ANAPC4: variants seen among roughly 807,000 people sequenced by gnomAD.
The protein encoded by ANAPC4 is anaphase promoting complex subunit 4.
In ANAPC4, 63 loss-of-function variants were observed where a neutral mutation model predicts 119.8. That is an observed-to-expected ratio of 0.53 (90% CI 0.43 to 0.65). The LOEUF is 0.65. Among genes scored for constraint, ANAPC4 ranks in the 30% least tolerant of loss-of-function variants. ANAPC4 has a pLI of 0.00. For synonymous variants in ANAPC4, 283 were observed against 318.6 expected (o/e 0.89, Z 1.19); for missense variants, 716 against 945.1 (o/e 0.76, Z 3.18).
rs148401383 is a variant in ANAPC4 at position 25,379,676 on chromosome 4, T to C, written c.130-698T>C. 4.6e-5 allele frequency among the ~76,000 whole-genome samples: 7 copies of C among 152,222 alleles called. No individual in the cohort carries two copies. In the East Asian group the frequency reaches 1.4e-3, roughly 29 times the overall value. On this transcript the variant is annotated intron_variant, in intron 2 of 28. Coordinates refer to ENST00000315368, the MANE Select transcript of ANAPC4 (RefSeq NM_013367.3). ...GAGGAAGGGTTTCAGAAGTAAGGTA[T>C]GGCAGGAGTGGTTTCAGAAAAGAGA...
At chr4:25,390,294 T>G in intron 8 of ANAPC4, 74 bp downstream of exon 8, 1 of 1,102,550 alleles carries the variant, frequency 9.1e-7, no homozygotes, top group Admixed American at 2.5e-5. Flanking sequence ...GGAAAAAGAA[T>G]AAAACACTAG....
Position 25,418,283 on chromosome 4 carries a change from G to T in ANAPC4, c.2328G>T (p.Leu776Phe). The change falls in exon 29 of 29, where the codon TTG becomes TTT. Residue 776 changes from leucine to phenylalanine, a missense_variant. By Grantham distance (22) the Leu-to-Phe change is conservative. Around this residue, in one of 3 missense-constraint regions of ANAPC4, gnomAD observed 504 missense variants for 615.8 expected, o/e 0.82. Coordinates refer to ENST00000315368, the MANE Select transcript of ANAPC4 (RefSeq NM_013367.3). ...NKPVKIKEEV[L>F]SESEAENQQA... Reference sequence around the variant, plus strand: ...CTGTAAAAATAAAGGAAGAAGTGTTGTCGGAGTCAGAGGCAGAGAACCAAC... The same window carrying T: ...CTGTAAAAATAAAGGAAGAAGTGTTTTCGGAGTCAGAGGCAGAGAACCAAC... 2 of 1,614,054 alleles carry T rather than the reference G, an allele frequency of 1.2e-6. No individual in the cohort carries two copies. Among genetic ancestry groups the T allele is most frequent in the Middle Eastern group, 1.6e-4 (1 of 6,062 alleles).
At chr4:25,414,744 T>C in intron 25 of ANAPC4, 44 bp downstream of exon 25, 2 of 1,421,354 alleles carry the variant, frequency 1.4e-6, no homozygotes, top group Non-Finnish European at 9.4e-7. Flanking sequence ...TAAGATTTTA[T>C]TATTTGTAAG....
At chr4:25,396,975 G>T (rs1722686011) in intron 16 of ANAPC4, 76 bp downstream of exon 16, 2 of 1,384,270 alleles carry the variant, frequency 1.4e-6, no homozygotes, top group South Asian at 2.6e-5. Flanking sequence ...CTAGTAAGCT[G>T]TTATGATTCT....
chr4:25,390,259 C>A, intron 8 of ANAPC4, 39 bp downstream of exon 8: 3 of 1,467,158 alleles, frequency 2.0e-6, no homozygotes, highest in South Asian at 1.2e-5. Context: ...TAAATTATTT[C>A]TCTTAGAATA....
intron 16 of ANAPC4, among the ~76,000 whole-genome samples, chr4:25,397,489 T>G (rs1722722460): frequency 6.6e-6 from 1 of 152,226 alleles, no homozygotes; most frequent in Non-Finnish European, 1.5e-5. Context: ...CAGGATTGCC[T>G]TTGTTTCTTG....
chr4:25,398,389 G>A (rs1171833349), intron 16 of ANAPC4, among the ~76,000 whole-genome samples: 7 of 152,146 alleles, frequency 4.6e-5, no homozygotes, highest in African/African-American at 1.4e-4. Context: ...GGAAGGAGAC[G>A]GAAGGGAGCA....
chr4:25,414,283 A>T (rs763887248), intron 22 of ANAPC4, 41 bp from the exon 23 acceptor site: 4 of 1,358,568 alleles, frequency 2.9e-6, no homozygotes, highest in Non-Finnish European at 4.1e-6. Flanking sequence ...CTGTGTGCAT[A>T]TTAACGCTCT....
intron 17 of ANAPC4, among the ~76,000 whole-genome samples, chr4:25,403,242 A>T (rs944392507): frequency 3.3e-5 from 5 of 152,086 alleles, no homozygotes; most frequent in Admixed American, 1.3e-4. Flanking sequence ...AATATTTATT[A>T]ATTTTTTATT....
In ANAPC4 at chr4:25,377,877, T is replaced by C. The variant is rs536847162; in HGVS notation, c.129+321T>C. Among the ~76,000 whole-genome samples, 26 of 152,374 alleles carry C rather than the reference T, an allele frequency of 1.7e-4. No individual in the cohort carries two copies. The South Asian group carries it at 5.4e-3, about 32-fold the overall frequency. ...TTGGTTTATTAGTTAAATGAACTTTTTAAAAAAGCCCACTATGTGCTGCTC... is the reference window on the plus strand; with the variant it reads ...TTGGTTTATTAGTTAAATGAACTTTCTAAAAAAGCCCACTATGTGCTGCTC... On this transcript the variant is annotated intron_variant, in intron 2 of 28. Transcript: ENST00000315368.
intron 9 of ANAPC4, among the ~76,000 whole-genome samples, chr4:25,391,555 TAAAATGATCACTTAATATTGGGA>T (rs987445847): frequency 2.0e-5 from 3 of 152,346 alleles, no homozygotes; most frequent in African/African-American, 7.2e-5. Flanking sequence ...GCATCTTGTG[TAAAATGATCACTTAATATTGGGA>T]AAATGCTTTA....
chr4:25,383,192 A>G, intron 3 of ANAPC4, 69 bp from the exon 4 acceptor site: 1 of 1,397,792 alleles, frequency 7.2e-7, no homozygotes, highest in Non-Finnish European at 9.5e-7. Context: ...ACTGGGCAAT[A>G]AGGGAAATAC....
chr4:25,398,177 C>G (rs1722761778), intron 16 of ANAPC4, among the ~76,000 whole-genome samples: 1 of 152,104 alleles, frequency 6.6e-6, no homozygotes, highest in Non-Finnish European at 1.5e-5. Flanking sequence ...TTTTTCATAT[C>G]TTTGTCTTTT....
In ANAPC4 at chr4:25,418,230, G is replaced by C. The variant is rs775029120; in HGVS notation, c.2275G>C (p.Asp759His). The C allele has an allele frequency of 1.9e-6, 3 of 1,614,112 alleles. No individual in the cohort carries two copies. The South Asian group carries it at 3.3e-5, about 18-fold the overall frequency. Residue 759 changes from aspartate to histidine, a missense_variant, in exon 29 of 29, where the codon GAT becomes CAT. Coordinates refer to ENST00000315368, the MANE Select transcript of ANAPC4 (RefSeq NM_013367.3). ...DDEWELDESS[D>H]EEEEASNKPV... ...TGAATGGGAGCTCGATGAGTCTTCA[G>C]ATGAAGAGGAGGAGGCCAGTAATAA...
chr4:25,385,557 T>A (rs1246805183), intron 4 of ANAPC4, among the ~76,000 whole-genome samples: 1 of 152,248 alleles, frequency 6.6e-6, no homozygotes, highest in African/African-American at 2.4e-5. Flanking sequence ...ACTAAAACTT[T>A]CTCCATATCA....
chr4:25,394,015 G>T, intron 11 of ANAPC4, 124 bp downstream of exon 11: 1 of 838,016 alleles, frequency 1.2e-6, no homozygotes, highest in Non-Finnish European at 1.8e-6. Context: ...TCTTTCAAAT[G>T]GCTTCGTCTG....
At chr4:25,394,024 T>C in intron 11 of ANAPC4, 133 bp downstream of exon 11, 1 of 796,566 alleles carries the variant, frequency 1.3e-6, no homozygotes. Flanking sequence ...TGGCTTCGTC[T>C]GACTTCAAAC....
chr4:25,381,527 G>T (rs1450381024), intron 3 of ANAPC4, among the ~76,000 whole-genome samples: 2 of 152,188 alleles, frequency 1.3e-5, no homozygotes, highest in Admixed American at 6.5e-5. Context: ...GGCCAGGCTG[G>T]TCTCGAACGC....
chr4:25,401,757 T>C (rs1722991134), intron 16 of ANAPC4, among the ~76,000 whole-genome samples: 1 of 152,228 alleles, frequency 6.6e-6, no homozygotes, highest in Non-Finnish European at 1.5e-5. Flanking sequence ...TGTGAGTTTC[T>C]AACACATGTA....
Sources: gnomAD v4.1 joint callset for allele counts (sites outside exome capture counted in the v4.1 genomes callset) on GRCh38, gnomAD v4.1.1 for gene constraint, gnomAD v4.1.1 regional missense constraint, MANE v1.5 for transcripts, NCBI Gene and HGNC (gene_info 2026-07-23, HGNC 2026-07-21) for gene names.